Variants in CACNB2 observed in about 807,000 individuals in gnomAD.
CACNB2 encodes voltage-dependent L-type calcium channel subunit beta-2.
A neutral mutation model predicts 73.3 loss-of-function variants in CACNB2; 42 were observed. The ratio of observed to expected loss-of-function variants is 0.57; its 90% confidence interval spans 0.45 to 0.74. The LOEUF is 0.74. Among genes scored for constraint, CACNB2 ranks in the 30% least tolerant of loss-of-function variants. CACNB2 has a pLI of 0.00. For synonymous variants in CACNB2, 348 were observed against 310.3 expected, an observed-to-expected ratio of 1.12 and a Z score of -1.28; for missense variants, 940 against 853.0, an observed-to-expected ratio of 1.10 and a Z score of -1.27.
intron 3 of CACNB2, among the ~76,000 whole-genome samples, chr10:18,421,578 G>T (rs993181924): frequency 6.6e-6 from 1 of 152,108 alleles, no homozygotes; most frequent in East Asian, 1.9e-4. Context: ...GGGATTACAG[G>T]CCTGAGCCAC....
chr10:18,320,031 C>T (rs1278828012), intron 2 of CACNB2, among the ~76,000 whole-genome samples: 1 of 152,158 alleles, frequency 6.6e-6, no homozygotes, highest in Non-Finnish European at 1.5e-5. Flanking sequence ...TTGGCTCCTT[C>T]TGAAGGCATC....
chr10:18,515,108 T>C (rs369482986), intron 7 of CACNB2: 2,113 of 1,284,142 alleles, frequency 1.6e-3, no homozygotes, highest in Non-Finnish European at 2.3e-3. Flanking sequence ...TCAGTCAGAT[T>C]TTACCATCTC....
chr10:18,366,803 G>A lies in CACNB2; in HGVS notation c.214-35121G>A, dbSNP rs1017747419. ...CGAGACTCCGTCTCAAAAAAAAAAA[G>A]CTGATTTTGGCTGTTTATGGAATTT... On this transcript the variant is annotated intron_variant, in intron 2 of 13. Coordinates refer to ENST00000324631, the MANE Select transcript of CACNB2 (RefSeq NM_201596.3). Among the ~76,000 whole-genome samples, 677 of 149,570 alleles carry A rather than the reference G, an allele frequency of 4.5e-3. 4 individuals are homozygous for A. Among genetic ancestry groups the A allele is most frequent in the African/African-American group, 0.016 (647 of 40,706 alleles).
At chr10:18,481,809 A>G (rs1423343057) in intron 3 of CACNB2, among the ~76,000 whole-genome samples, 1 of 152,190 alleles carries the variant, frequency 6.6e-6, no homozygotes, top group African/African-American at 2.4e-5. Flanking sequence ...AATAAGCTAT[A>G]TCATCTTTTA....
chr10:18,438,504 G>T (rs529850362), intron 3 of CACNB2, among the ~76,000 whole-genome samples: 11 of 152,278 alleles, frequency 7.2e-5, no homozygotes, highest in Middle Eastern at 3.4e-3. Flanking sequence ...GCCAATGGGC[G>T]GTAGCTGCAG....
chr10:18,312,924 G>C (rs749654683), intron 2 of CACNB2, among the ~76,000 whole-genome samples: 1 of 152,152 alleles, frequency 6.6e-6, no homozygotes, highest in African/African-American at 2.4e-5. Context: ...AGAAGAGCAA[G>C]TGACTGCTGA....
At chr10:18,144,252 G>T (rs1261616324) in intron 1 of CACNB2, among the ~76,000 whole-genome samples, 3 of 151,950 alleles carry the variant, frequency 2.0e-5, no homozygotes, top group African/African-American at 7.3e-5. Flanking sequence ...TAATTTTTTT[G>T]TATTTTTAGT....
intron 3 of CACNB2, among the ~76,000 whole-genome samples, chr10:18,405,390 CT>C (rs925737381): frequency 1.3e-5 from 2 of 152,254 alleles, no homozygotes; most frequent in African/African-American, 4.8e-5. Flanking sequence ...TGATTGGCTA[CT>C]TTTGGACATC....
chr10:18,295,731 G>C (rs1276925093), intron 2 of CACNB2, among the ~76,000 whole-genome samples: 1 of 152,124 alleles, frequency 6.6e-6, no homozygotes, highest in Non-Finnish European at 1.5e-5. Context: ...TTTGCTTTCT[G>C]TTTCTTGATT....
At chr10:18,538,024 C>T (rs993308114) in intron 12 of CACNB2, among the ~76,000 whole-genome samples, 156 bp from the exon 13 acceptor site, 1 of 152,068 alleles carries the variant, frequency 6.6e-6, no homozygotes, top group South Asian at 2.1e-4. Context: ...CAGACACTTC[C>T]TAACTAAATA....
intron 2 of CACNB2, among the ~76,000 whole-genome samples, chr10:18,175,026 T>C (rs1045849135): frequency 2.0e-5 from 3 of 152,148 alleles, no homozygotes; most frequent in South Asian, 2.1e-4. Context: ...ATCTGTTCTG[T>C]TAGCCACTTT....
At chr10:18,205,632 T>C (rs2035057424) in intron 2 of CACNB2, among the ~76,000 whole-genome samples, 2 of 152,210 alleles carry the variant, frequency 1.3e-5, no homozygotes, top group Admixed American at 1.3e-4. Flanking sequence ...CATTCACAAA[T>C]ATGAATGAAA....
intron 2 of CACNB2, among the ~76,000 whole-genome samples, chr10:18,186,145 C>A (rs1277574157): frequency 6.6e-6 from 1 of 152,078 alleles, no homozygotes; most frequent in South Asian, 2.1e-4. Flanking sequence ...TGAGGCCAGG[C>A]ATGGTAGCGC....
In CACNB2 at chr10:18,503,868, CTG is replaced by C. The variant is rs1371613425; in HGVS notation, c.594-2600_594-2599del. 2.6e-5 allele frequency among the ~76,000 whole-genome samples: 4 copies of C among 152,094 alleles called. 1 individual carries two copies. The highest frequency in any genetic ancestry group is 1.5e-5 in the Non-Finnish European group (1 of 68,020). ...TAGCCTTTTAATGTCATCATGTACACTGTGAATCTCTGGTGGAATGGGAATTT... is the reference window on the plus strand; with the variant it reads ...TAGCCTTTTAATGTCATCATGTACACTGAATCTCTGGTGGAATGGGAATTT... On this transcript the variant is annotated intron_variant, in intron 5 of 13. Coordinates refer to ENST00000324631, the MANE Select transcript of CACNB2 (RefSeq NM_201596.3).
chr10:18,240,130 G>A (rs555256186), intron 2 of CACNB2, among the ~76,000 whole-genome samples: 7 of 152,254 alleles, frequency 4.6e-5, no homozygotes, highest in Admixed American at 2.6e-4. Flanking sequence ...AATGGTTCAC[G>A]CTTTGAACTA....
intron 2 of CACNB2, among the ~76,000 whole-genome samples, chr10:18,361,985 C>T (rs1048995709): frequency 6.6e-6 from 1 of 152,132 alleles, no homozygotes; most frequent in East Asian, 1.9e-4. Flanking sequence ...TACTGCTACA[C>T]ATTTTTTTAT....
chr10:18,382,707 A>G (rs977981602), intron 2 of CACNB2, among the ~76,000 whole-genome samples: 83 of 152,186 alleles, frequency 5.5e-4, no homozygotes, highest in African/African-American at 2.0e-3. Context: ...TGTCCCTGCA[A>G]AGGACATGAT....
intron 3 of CACNB2, among the ~76,000 whole-genome samples, chr10:18,481,192 CTATATATATA>C (rs145814788): frequency 0.013 from 477 of 36,670 alleles, 4 homozygotes; most frequent in South Asian, 0.023. Flanking sequence ...TACATCTTCG[CTATATATATA>C]TATATATATA....
intron 2 of CACNB2, among the ~76,000 whole-genome samples, chr10:18,183,170 C>T (rs2033976133): frequency 6.6e-6 from 1 of 152,008 alleles, no homozygotes; most frequent in African/African-American, 2.4e-5. Flanking sequence ...AGTATCAACC[C>T]ACACACCAGG....
Sources: allele counts gnomAD v4.1 joint callset (sites outside exome capture counted in the v4.1 genomes callset), GRCh38; gene constraint gnomAD v4.1.1; transcripts MANE v1.5; gene names NCBI Gene and HGNC (gene_info 2026-07-23, HGNC 2026-07-21).